Variants in AK4 observed in about 807,000 individuals in gnomAD.
The protein encoded by AK4 is adenylate kinase 4, mitochondrial.
In AK4, 13 loss-of-function variants were observed where a neutral mutation model predicts 24.6. The observed-to-expected ratio is 0.53, with a 90% CI of 0.34 to 0.84. The LOEUF (loss-of-function observed/expected upper bound fraction) is 0.84, where lower values mean the gene tolerates loss of function less well. Among genes scored for constraint, AK4 ranks in the 40% least tolerant of loss-of-function variants. The pLI, the probability that AK4 is intolerant of heterozygous loss-of-function variation, is 0.01. For missense variants in AK4, 192 were observed against 288.2 expected, an observed-to-expected ratio of 0.67 and a Z score of 2.42; for synonymous variants, 88 against 107.0, an observed-to-expected ratio of 0.82 and a Z score of 1.10.
At chr1:65,199,203 G>C (rs1032253528) in intron 2 of AK4, among the ~76,000 whole-genome samples, 1 of 151,954 alleles carries the variant, frequency 6.6e-6, no homozygotes, top group Non-Finnish European at 1.5e-5. Flanking sequence ...TTTCTTTACT[G>C]TGTGTTTGCA....
chr1:65,187,702 C>A (rs950219435), intron 1 of AK4, among the ~76,000 whole-genome samples: 14 of 152,150 alleles, frequency 9.2e-5, no homozygotes, highest in Admixed American at 3.9e-4. Flanking sequence ...AAGCCCAGTG[C>A]CTGGGACATA....
At chr1:65,152,051 C>CAT (rs1234703615) in intron 1 of AK4, among the ~76,000 whole-genome samples, 1 of 152,080 alleles carries the variant, frequency 6.6e-6, no homozygotes, top group Non-Finnish European at 1.5e-5. Flanking sequence ...CACACACACA[C>CAT]AGGGACTGGC....
intron 1 of AK4, among the ~76,000 whole-genome samples, chr1:65,175,256 C>T (rs371561286): frequency 4.0e-4 from 61 of 152,348 alleles, no homozygotes; most frequent in African/African-American, 1.4e-3. Context: ...GTGTCCGCAT[C>T]AGCTCTCCCT....
At chr1:65,189,456 T>A (rs1363531443) in intron 1 of AK4, among the ~76,000 whole-genome samples, 1 of 151,864 alleles carries the variant, frequency 6.6e-6, no homozygotes, top group Non-Finnish European at 1.5e-5. Context: ...TTTTGTATTT[T>A]TAGTAGAGAC....
intron 1 of AK4, among the ~76,000 whole-genome samples, chr1:65,180,802 G>A (rs917131320): frequency 8.5e-5 from 13 of 152,142 alleles, no homozygotes; most frequent in African/African-American, 1.2e-4. Flanking sequence ...ATGCGTGTAT[G>A]TGTGTGCGCA....
chr1:65,188,582 C>CAGTG (rs1249494688), intron 1 of AK4, among the ~76,000 whole-genome samples: 1 of 147,506 alleles, frequency 6.8e-6, no homozygotes, highest in East Asian at 2.1e-4. Context: ...GGGTTCACAC[C>CAGTG]ATTCTCCTGC....
chr1:65,205,214 C>T (rs1252008158), intron 2 of AK4, among the ~76,000 whole-genome samples: 1 of 152,146 alleles, frequency 6.6e-6, no homozygotes, highest in Non-Finnish European at 1.5e-5. Flanking sequence ...ACATTTTCTT[C>T]TGGCCTGGTT....
At chr1:65,152,382 A>AT (rs1649823135) in intron 1 of AK4, among the ~76,000 whole-genome samples, 5 of 26,742 alleles carry the variant, frequency 1.9e-4, no homozygotes, top group Admixed American at 1.4e-3. Context: ...ATATATATAT[A>AT]TATTTTTTTT....
chr1:65,159,796 C>T (rs985079288), intron 1 of AK4, among the ~76,000 whole-genome samples: 3 of 151,956 alleles, frequency 2.0e-5, no homozygotes, highest in South Asian at 2.1e-4. Context: ...GGTGAAACCC[C>T]GTCTCTACTA....
intron 2 of AK4, among the ~76,000 whole-genome samples, chr1:65,215,636 C>T (rs1254857929): frequency 6.6e-6 from 1 of 152,284 alleles, no homozygotes; most frequent in Non-Finnish European, 1.5e-5. Context: ...CATCTGTGGT[C>T]TTTAGCAGGT....
At chr1:65,206,589 G>A (rs1049050849) in intron 2 of AK4, among the ~76,000 whole-genome samples, 3 of 152,210 alleles carry the variant, frequency 2.0e-5, no homozygotes, top group African/African-American at 7.2e-5. Context: ...GTGCACGTGC[G>A]TGCGCACACA....
At position 65,225,489 on chromosome 1, in the gene AK4, T is replaced by C. The variant is rs531666097; in HGVS notation, c.558-574T>C. On this transcript the variant is annotated intron_variant, in intron 4 of 4. Transcript: ENST00000327299. ...GGAATAGCAGAAATCTGGTTTTCTG[T>C]GTGTATGTGTGTGAGGGGGAATCTC... is the stretch of plus-strand genomic sequence containing the variant. Among the ~76,000 whole-genome samples, 16 of 152,242 alleles carry C rather than the reference T, an allele frequency of 1.1e-4. No individual in the cohort carries two copies. In the South Asian group the frequency reaches 2.5e-3, roughly 24 times the overall value.
At chr1:65,216,566 A>G (rs1300981575) in intron 2 of AK4, among the ~76,000 whole-genome samples, 1 of 124,118 alleles carries the variant, frequency 8.1e-6, no homozygotes, top group Non-Finnish European at 1.5e-5. Context: ...TTGATGTGGC[A>G]GAGGTTTGCG....
At chr1:65,205,158 AT>A (rs1485152845) in intron 2 of AK4, among the ~76,000 whole-genome samples, 1 of 152,092 alleles carries the variant, frequency 6.6e-6, no homozygotes, top group Non-Finnish European at 1.5e-5. Context: ...GCTAACTGAT[AT>A]TTTTGAGTTG....
intron 1 of AK4, among the ~76,000 whole-genome samples, chr1:65,167,460 ATT>A (rs565198195): frequency 6.2e-5 from 9 of 144,334 alleles, no homozygotes; most frequent in East Asian, 4.0e-4. Context: ...AGGGAGATAG[ATT>A]TTTTTTTTTT....
intron 3 of AK4, among the ~76,000 whole-genome samples, chr1:65,219,790 A>G (rs999118469): frequency 1.3e-5 from 2 of 152,204 alleles, no homozygotes; most frequent in Non-Finnish European, 2.9e-5. Flanking sequence ...TTTATAGTCT[A>G]TGGATTTTCA....
intron 2 of AK4, among the ~76,000 whole-genome samples, chr1:65,193,024 G>A (rs1431822412): frequency 6.6e-6 from 1 of 152,228 alleles, no homozygotes; most frequent in African/African-American, 2.4e-5. Context: ...GGTGTTGACA[G>A]TGGCCCACTC....
chr1:65,208,214 G>A (rs1179524150), intron 2 of AK4, among the ~76,000 whole-genome samples: 3 of 151,944 alleles, frequency 2.0e-5, no homozygotes, highest in African/African-American at 4.8e-5. Context: ...TTACTTTTTC[G>A]TAGTAGGACA....
intron 1 of AK4, among the ~76,000 whole-genome samples, chr1:65,180,593 T>C (rs1167527668): frequency 6.6e-6 from 1 of 152,216 alleles, no homozygotes; most frequent in East Asian, 1.9e-4. Context: ...TTTTAAAGCT[T>C]ATTTTCTTAC....
Sources: allele counts gnomAD v4.1 joint callset (sites outside exome capture counted in the v4.1 genomes callset), GRCh38; gene constraint gnomAD v4.1.1; transcripts MANE v1.5; gene names NCBI Gene and HGNC (gene_info 2026-07-23, HGNC 2026-07-21).